The following TMOD2 variants were observed in gnomAD, a reference collection of about 807,000 sequenced individuals.
TMOD2 encodes tropomodulin-2.
A neutral mutation model predicts 39.9 loss-of-function variants in TMOD2; 22 were observed. The ratio of observed to expected loss-of-function variants is 0.55; its 90% CI spans 0.39 to 0.79. TMOD2 has a LOEUF of 0.79. Ranked by LOEUF, TMOD2 falls within the 30% of genes least tolerant of loss-of-function variation. The pLI is 0.00. For missense variants in TMOD2, 386 were observed against 413.3 expected, an observed-to-expected ratio of 0.93 and a Z score of 0.57; for synonymous variants, 123 against 146.1, an observed-to-expected ratio of 0.84 and a Z score of 1.14.
At position 51,808,494 on chromosome 15, in the gene TMOD2, C is replaced by T; in HGVS notation, c.*40C>T. The T allele has an allele frequency of 6.4e-7, 1 of 1,568,322 alleles. No individual in the cohort carries two copies. The highest frequency in any genetic ancestry group is 2.3e-5 in the East Asian group (1 of 43,954). ...AAGTGAAGTTTCACTGTGGTATGGC[C>T]ATTGAAAAACAAAAACTCTTCTTCT... On this transcript the variant is annotated 3_prime_UTR_variant, in exon 10 of 10. Transcript: ENST00000249700.
Position 51,781,102 on chromosome 15 carries a change from T to C in TMOD2, c.552T>C (p.Asn184=), listed in dbSNP as rs1183014358. 6.2e-7 allele frequency: 1 copy of C among 1,613,022 alleles called. No homozygotes were observed. Among genetic ancestry groups the C allele is most frequent in the South Asian group, 1.1e-5 (1 of 90,790 alleles). The change falls in exon 6 of 10, where the codon AAT becomes AAC. Residue 184 remains asparagine, a synonymous_variant. Coordinates refer to ENST00000249700, the MANE Select transcript of TMOD2 (RefSeq NM_014548.4). ...PVFEEPPNPT[N]VEISLQQMKA... is the part of the protein sequence containing the mutation. ...TTGAGGAACCACCAAATCCCACAAATGTGGAAATAAGCCTGCAGCAGATGA... is the reference window on the plus strand; with the variant it reads ...TTGAGGAACCACCAAATCCCACAAACGTGGAAATAAGCCTGCAGCAGATGA...
intron 1 of TMOD2, 78 bp downstream of exon 1, chr15:51,751,790 C>G (rs1026202645): frequency 3.3e-5 from 5 of 150,624 alleles, no homozygotes; most frequent in African/African-American, 1.2e-4. Flanking sequence ...GCGCGGTGGC[C>G]GCCGTGCCCT....
At chr15:51,783,777 A>AGATAGAT (rs1490642444) in intron 7 of TMOD2, 1 of 152,070 alleles carries the variant, frequency 6.6e-6, no homozygotes, top group East Asian at 1.9e-4. Context: ...ATAGATAGAT[A>AGATAGAT]GATAGATAGA....
chr15:51,784,996 T>C (rs957163298), intron 7 of TMOD2: 2 of 152,238 alleles, frequency 1.3e-5, no homozygotes. Flanking sequence ...ACTTTGATGC[T>C]GTTTTTAATG....
intron 7 of TMOD2, among the ~76,000 whole-genome samples, chr15:51,791,720 A>T (rs2056013612): frequency 6.6e-6 from 1 of 152,240 alleles, no homozygotes. Context: ...CAACCATCTG[A>T]TCTTTGACAA....
intron 1 of TMOD2, among the ~76,000 whole-genome samples, chr15:51,753,257 A>G (rs1488283193): frequency 6.6e-6 from 1 of 152,208 alleles, no homozygotes; most frequent in East Asian, 1.9e-4. Flanking sequence ...TGGTTGGGGA[A>G]TAGGATTTTC....
intron 1 of TMOD2, among the ~76,000 whole-genome samples, chr15:51,755,726 T>C (rs2055737181): frequency 6.6e-6 from 1 of 152,124 alleles, no homozygotes; most frequent in African/African-American, 2.4e-5. Flanking sequence ...AGTTGCTAAA[T>C]GTTTTGCACA....
chr15:51,777,673 T>C (rs983315216), intron 5 of TMOD2, among the ~76,000 whole-genome samples: 6 of 152,178 alleles, frequency 3.9e-5, no homozygotes, highest in Admixed American at 1.3e-4. Flanking sequence ...AAGATGAAAA[T>C]GGTCCCTGCC....
intron 7 of TMOD2, among the ~76,000 whole-genome samples, chr15:51,795,374 G>A (rs557245384): frequency 6.0e-5 from 9 of 149,948 alleles, no homozygotes; most frequent in Non-Finnish European, 1.0e-4. Context: ...ACAGTGAGCC[G>A]ACACAGTGCC....
intron 8 of TMOD2, among the ~76,000 whole-genome samples, chr15:51,802,157 A>T (rs2056094716): frequency 6.6e-6 from 1 of 151,742 alleles, no homozygotes; most frequent in African/African-American, 2.4e-5. Context: ...TATGCCCCCC[A>T]ATTTAATTTT....
intron 4 of TMOD2, among the ~76,000 whole-genome samples, chr15:51,776,173 A>G (rs1223886862): frequency 6.6e-6 from 1 of 152,178 alleles, no homozygotes; most frequent in Non-Finnish European, 1.5e-5. Context: ...TGTAGCTTAC[A>G]GTAGAGCTGA....
intron 1 of TMOD2, among the ~76,000 whole-genome samples, chr15:51,764,373 A>G (rs1227295451): frequency 1.3e-5 from 2 of 152,218 alleles, no homozygotes; most frequent in African/African-American, 2.4e-5. Context: ...TGCATGTGAA[A>G]GGGGTATCGA....
At position 51,766,363 on chromosome 15, in the gene TMOD2, T is replaced by G; in HGVS notation, c.-69-10T>G. 7.4e-7 allele frequency: 1 copy of G among 1,354,692 alleles called. No individual in the cohort carries two copies. The highest frequency in any genetic ancestry group is 1.9e-4 in the Middle Eastern group (1 of 5,322). The allele number at this position is 1,354,692 out of a possible 1,614,324, so 83.9% of individuals were successfully genotyped here. A position where few individuals can be genotyped will look rare whatever the true frequency, so the allele number is the denominator to read the frequency against. ...GATTCTTTTTTATTGTGTTTCTTTT[T>G]TATTAACAGTATTCTGAAGTCTCAG... On this transcript the variant is annotated splice_polypyrimidine_tract_variant and intron_variant, in intron 1 of 9. Transcript: ENST00000249700.
chr15:51,793,098 A>G (rs945948628), intron 7 of TMOD2, among the ~76,000 whole-genome samples: 2 of 152,222 alleles, frequency 1.3e-5, no homozygotes, highest in African/African-American at 2.4e-5. Context: ...AAAAAAATAC[A>G]TAGTAGACAA....
intron 1 of TMOD2, among the ~76,000 whole-genome samples, chr15:51,758,079 CTAATAATAA>C (rs145435018): frequency 6.7e-6 from 1 of 149,672 alleles, no homozygotes; most frequent in Non-Finnish European, 1.5e-5. Context: ...GACCCTATTT[CTAATAATAA>C]TAATAATAAT....
intron 7 of TMOD2, chr15:51,783,210 G>A (rs888222224): frequency 5.7e-5 from 11 of 192,640 alleles, no homozygotes; most frequent in East Asian, 1.7e-4. Flanking sequence ...GTAGCTGGGC[G>A]CGGTAGCTCA....
chr15:51,764,389 A>C (rs2055802083), intron 1 of TMOD2, among the ~76,000 whole-genome samples: 1 of 152,192 alleles, frequency 6.6e-6, no homozygotes, highest in Non-Finnish European at 1.5e-5. Flanking sequence ...ATCGACACAG[A>C]AACCACAAAC....
intron 5 of TMOD2, among the ~76,000 whole-genome samples, chr15:51,779,074 G>A (rs2055911756): frequency 6.6e-6 from 1 of 151,942 alleles, no homozygotes; most frequent in South Asian, 2.1e-4. Flanking sequence ...CTTCCACTCA[G>A]CCTTCTGAGT....
intron 1 of TMOD2, among the ~76,000 whole-genome samples, chr15:51,759,028 G>A (rs558002135): frequency 6.6e-5 from 10 of 152,230 alleles, no homozygotes; most frequent in African/African-American, 2.2e-4. Context: ...AACTAGAGAA[G>A]AGTTGTTTAA....
Sources: allele counts gnomAD v4.1 joint callset (sites outside exome capture counted in the v4.1 genomes callset), GRCh38; gene constraint gnomAD v4.1.1; transcripts MANE v1.5; gene names NCBI Gene and HGNC (gene_info 2026-07-23, HGNC 2026-07-21).